The following TAF6 variants were observed in gnomAD, a reference collection of about 807,000 sequenced individuals.
The protein encoded by TAF6 is TATA-box binding protein associated factor 6.
Under a neutral mutation model 73.5 loss-of-function variants are expected in TAF6, and 50 were observed. The ratio of observed to expected loss-of-function variants is 0.68; its 90% confidence interval spans 0.54 to 0.86. TAF6 has a LOEUF of 0.86. Among genes scored for constraint, TAF6 ranks in the 40% least tolerant of loss-of-function variants. TAF6 has a pLI of 0.00. For missense variants in TAF6, 768 were observed against 899.5 expected (o/e 0.85, Z 1.87); for synonymous variants, 424 against 376.7 (o/e 1.13, Z -1.45).
intron 13 of TAF6, 66 bp downstream of exon 13, chr7:100,108,301 G>C (rs1796777794): frequency 4.6e-5 from 70 of 1,527,334 alleles, no homozygotes; most frequent in Non-Finnish European, 6.1e-5. Flanking sequence ...CTGTGTGCAA[G>C]TGCCTGTCCC....
chr7:100,122,082 G>A (rs143319000), upstream of TAF6: 1,201 of 613,708 alleles, frequency 2.0e-3, 15 homozygotes, highest in African/African-American at 0.021. Flanking sequence ...AGAAACCGAG[G>A]CACAGCAAGC....
At chr7:100,125,051 C>A in the TAF6 span, 9 of 745,014 alleles carry the variant, frequency 1.2e-5, no homozygotes, top group East Asian at 2.8e-5. Flanking sequence ...GGTGAAACAG[C>A]ATGACATGGC....
intron 1 of TAF6, among the ~76,000 whole-genome samples, chr7:100,117,828 G>A (rs969331250): frequency 1.3e-5 from 2 of 150,986 alleles, no homozygotes; most frequent in African/African-American, 4.9e-5. Flanking sequence ...GGATCACTAG[G>A]TCAGGAGATT....
chr7:100,109,915 G>T lies in TAF6; in HGVS notation c.1284+33C>A, dbSNP rs761549951. 6 of 1,609,074 alleles carry T rather than the reference G, an allele frequency of 3.7e-6. No individual in the cohort carries two copies. In the East Asian group the frequency reaches 1.3e-4, roughly 36 times the overall value. On this transcript the variant is annotated intron_variant, in intron 12 of 14. Coordinates refer to ENST00000453269, the MANE Select transcript of TAF6 (RefSeq NM_139315.3). ...CTTGCTAAACACTGCCTGTGTCTCAGTGGGCAGGTGTGGGGACAGGGGCTT... is the reference window on the plus strand; with the variant it reads ...CTTGCTAAACACTGCCTGTGTCTCATTGGGCAGGTGTGGGGACAGGGGCTT...
chr7:100,110,733 C>T lies in TAF6; in HGVS notation c.1083+406G>A, dbSNP rs4134912. Among the ~76,000 whole-genome samples, 1,148 of 152,354 alleles carry T rather than the reference C, an allele frequency of 7.5e-3. 19 individuals are homozygous for T. Among genetic ancestry groups the T allele is most frequent in the Non-Finnish European group, 7.0e-3 (476 of 68,040 alleles). ...GGCTGAGGCAGGAGAATCATTGGAA[C>T]CCAGGAGGCGGAGGTTGTGGTAAGC... On this transcript the variant is annotated intron_variant, in intron 10 of 14. Transcript: ENST00000453269.
chr7:100,110,207 C>G lies in TAF6; in HGVS notation c.1151G>C (p.Gly384Ala). 6.2e-7 allele frequency: 1 copy of G among 1,614,120 alleles called. No homozygotes were observed. Among genetic ancestry groups the G allele is most frequent in the Non-Finnish European group, 8.5e-7 (1 of 1,180,002 alleles). ...TCCTCCCAGAGGCCTAACATCGTGT[C>G]CCAGCTCAGCCAAGCCTGCGATGGA... is the stretch of plus-strand genomic sequence containing the variant. ...YGSIAGLAEL[G>A]HDVIKTLILP... The change falls in exon 11 of 15, where the codon GGA (glycine) becomes GCA (alanine). Residue 384 changes from glycine (G) to alanine (A), a missense_variant. Transcript: ENST00000453269.
Position 100,109,983 on chromosome 7 carries a change from G to C in TAF6, c.1249C>G (p.Arg417Gly). The change falls in exon 12 of 15, where the codon CGG becomes GGG. Residue 417 changes from arginine to glycine, a missense_variant. Physicochemically the swap from Arg to Gly is moderately radical, Grantham distance 125 (BLOSUM62 -2). Around this residue, in one of 5 missense-constraint regions of TAF6, gnomAD observed 350 missense variants for 352.3 expected, o/e 0.99. Transcript: ENST00000453269. The stretch of plus-strand genomic sequence containing the variant: ...CTCTGCACATGGTCTGCTCCAATCC[G>C]GTCAATGTTGCTCAGCACAGGGCCG... The part of the protein sequence containing the change: ...LDGPVLSNID[R>G]IGADHVQSLL... The C allele has an allele frequency of 6.2e-7, 1 of 1,614,102 alleles. No homozygotes were observed. The highest frequency in any genetic ancestry group is 8.5e-7 in the Non-Finnish European group (1 of 1,180,024).
Position 100,110,050 on chromosome 7 carries a change from G to A in TAF6, c.1182C>T (p.Pro394=). 1.2e-6 allele frequency: 2 copies of A among 1,614,056 alleles called. No individual in the cohort carries two copies. Among genetic ancestry groups the A allele is most frequent in the Non-Finnish European group, 1.7e-6 (2 of 1,180,022 alleles). Residue 394 remains proline, a synonymous_variant, in exon 12 of 15, where the codon CCC becomes CCT. Coordinates refer to ENST00000453269, the MANE Select transcript of TAF6 (RefSeq NM_139315.3). ...GHDVIKTLIL[P]RLQQEGERIR... is the part of the protein sequence containing the mutation. ...TCCGCTCCCCTTCCTGCTGCAGCCG[G>A]GGCAGAATCAGAGTCTTGATAACCT...
intron 1 of TAF6, chr7:100,118,708 G>T: frequency 3.7e-6 from 1 of 273,808 alleles, no homozygotes; most frequent in Non-Finnish European, 5.6e-6. Context: ...TGGACATTAG[G>T]AAGATTAACA....
Position 100,107,205 on chromosome 7 carries a change from T to C in TAF6, c.*41A>G, listed in dbSNP as rs1796600476. On this transcript the variant is annotated 3_prime_UTR_variant, in exon 15 of 15. Coordinates refer to ENST00000453269, the MANE Select transcript of TAF6 (RefSeq NM_139315.3). Reference sequence around the variant, plus strand: ...ATGTGTGTACGTGCACGTGTGTACATGTCTGCATGTGTGGGAATCCGGGGG... The same window carrying C: ...ATGTGTGTACGTGCACGTGTGTACACGTCTGCATGTGTGGGAATCCGGGGG... 4.0e-6 allele frequency: 6 copies of C among 1,518,456 alleles called. No homozygotes were observed. The highest frequency in any genetic ancestry group is 5.3e-6 in the Non-Finnish European group (6 of 1,136,108). 94.1% of individuals were successfully genotyped at this position (1,518,456 alleles called of 1,614,324 possible).
upstream of TAF6, chr7:100,122,535 T>C (rs1458621435): frequency 5.6e-6 from 9 of 1,613,672 alleles, no homozygotes; most frequent in Admixed American, 1.7e-5. Context: ...TCCTGGACTA[T>C]AGTGTTCACG....
the TAF6 span, chr7:100,125,492 TTC>T: frequency 6.6e-6 from 1 of 152,236 alleles, no homozygotes; most frequent in East Asian, 1.9e-4. Context: ...TTAAACTTTT[TTC>T]TTTTTTTCTA....
At chr7:100,121,127 T>TACA (rs1798050000), upstream of TAF6, 6 of 74,160 alleles carry the variant, frequency 8.1e-5, no homozygotes, top group Non-Finnish European at 8.5e-5. Context: ...TTTTTTTTTT[T>TACA]TTTTTTTTTT....
chr7:100,113,317 CAG>C (rs1477335981), intron 5 of TAF6, 30 bp downstream of exon 5: 4 of 1,546,192 alleles, frequency 2.6e-6, no homozygotes, highest in Admixed American at 4.2e-5. Context: ...GAAAGGGACC[CAG>C]AGACCCAGAG....
intron 9 of TAF6, 48 bp downstream of exon 9, chr7:100,111,680 C>T (rs1180620955): frequency 6.3e-7 from 1 of 1,586,622 alleles, no homozygotes; most frequent in Non-Finnish European, 8.7e-7. Context: ...CTGTTGGTGG[C>T]AGCAGGGTCC....
At chr7:100,121,995 A>T, upstream of TAF6, 1 of 347,538 alleles carries the variant, frequency 2.9e-6, no homozygotes, top group South Asian at 2.6e-5. Flanking sequence ...GCTGGCAGTG[A>T]GCCGAGACTG....
intron 1 of TAF6, 130 bp from the exon 2 acceptor site, chr7:100,114,398 C>T (rs1797504258): frequency 3.2e-6 from 3 of 927,392 alleles, no homozygotes; most frequent in Non-Finnish European, 3.4e-6. Context: ...TGAGTCAGCC[C>T]TGAGGTGTAA....
chr7:100,112,701 T>C, intron 6 of TAF6, 97 bp downstream of exon 6: 1 of 1,465,176 alleles, frequency 6.8e-7, no homozygotes. Context: ...GGTGACAGAG[T>C]GAGACTCTGT....
At chr7:100,112,958 A>G in intron 5 of TAF6, 41 bp from the exon 6 acceptor site, 1 of 1,536,602 alleles carries the variant, frequency 6.5e-7, no homozygotes, top group Non-Finnish European at 8.7e-7. Context: ...TGATGAGCAT[A>G]GTAGAAAAGT....
Sources: allele counts gnomAD v4.1 joint callset (sites outside exome capture counted in the v4.1 genomes callset), GRCh38; gene constraint gnomAD v4.1.1; regional missense constraint gnomAD v4.1.1; transcripts MANE v1.5; gene names NCBI Gene and HGNC (gene_info 2026-07-23, HGNC 2026-07-21).